Variants in LRP1B observed in about 807,000 individuals in gnomAD.
LRP1B encodes the protein low-density lipoprotein receptor-related protein 1B.
LRP1B carries 217 observed loss-of-function variants against 556.6 expected under a neutral mutation model. The ratio of observed to expected loss-of-function variants is 0.39; its 90% CI spans 0.35 to 0.44. The LOEUF is 0.44. LRP1B is among the 20% of genes least tolerant of loss of function. The pLI, the probability that LRP1B is intolerant of heterozygous loss-of-function variation, is 1.00. For synonymous variants in LRP1B, 2,047 were observed against 1,865.8 expected (o/e 1.10, Z -2.50); for missense variants, 5,053 against 5,620.8 (o/e 0.90, Z 3.23).
chr2:140,803,582 G>A (rs562240264), intron 32 of LRP1B, among the ~76,000 whole-genome samples: 77 of 152,140 alleles, frequency 5.1e-4, no homozygotes, highest in African/African-American at 1.9e-3. Flanking sequence ...ACAGGCATGA[G>A]CCACCACACC....
intron 2 of LRP1B, among the ~76,000 whole-genome samples, chr2:141,610,671 G>T (rs1394758032): frequency 1.3e-5 from 2 of 152,108 alleles, no homozygotes; most frequent in East Asian, 3.9e-4. Flanking sequence ...TACACCATTT[G>T]GCTGGGAATT....
At chr2:141,194,148 C>T (rs534826802) in intron 6 of LRP1B, among the ~76,000 whole-genome samples, 21 of 152,206 alleles carry the variant, frequency 1.4e-4, no homozygotes, top group African/African-American at 4.6e-4. Flanking sequence ...CAACCTCTTC[C>T]ATTCTACTTT....
intron 57 of LRP1B, among the ~76,000 whole-genome samples, chr2:140,491,553 T>C (rs914906891): frequency 3.9e-5 from 6 of 151,928 alleles, no homozygotes; most frequent in African/African-American, 1.4e-4. Flanking sequence ...TGATATAAGT[T>C]TAAAAGCATA....
intron 1 of LRP1B, among the ~76,000 whole-genome samples, chr2:141,996,210 C>CAAA (rs66563468): frequency 8.1e-4 from 29 of 36,006 alleles, no homozygotes; most frequent in African/African-American, 3.6e-3. Flanking sequence ...GAGCGAGACT[C>CAAA]AAAAAAAAAA....
Position 141,201,184 on chromosome 2 carries a change from C to T in LRP1B, c.851-12601G>A, listed in dbSNP as rs116159904. Among the ~76,000 whole-genome samples, 484 of 152,204 alleles carry T rather than the reference C, an allele frequency of 3.2e-3. 2 individuals carry two copies. The highest frequency in any genetic ancestry group is 0.011 in the African/African-American group (460 of 41,538). ...TATGAGGGATGATAACACCATAACA[C>T]GGTGCGAAATAATAGTGACAACTGG... On this transcript the variant is annotated intron_variant, in intron 6 of 90. Transcript: ENST00000389484.
chr2:141,922,794 C>T (rs896523029), intron 1 of LRP1B, among the ~76,000 whole-genome samples: 2 of 152,052 alleles, frequency 1.3e-5, no homozygotes, highest in African/African-American at 2.4e-5. Flanking sequence ...GTTCTCTCAG[C>T]TATAAATGGG....
At chr2:141,924,591 A>G (rs918047583) in intron 1 of LRP1B, among the ~76,000 whole-genome samples, 4 of 152,112 alleles carry the variant, frequency 2.6e-5, no homozygotes, top group Admixed American at 6.6e-5. Context: ...CCACCCCTAG[A>G]TACTACCATG....
At chr2:140,553,979 G>A (rs1680639889) in intron 43 of LRP1B, among the ~76,000 whole-genome samples, 1 of 151,990 alleles carries the variant, frequency 6.6e-6, no homozygotes, top group Non-Finnish European at 1.5e-5. Context: ...TTTTTCTATG[G>A]GGAAGCCCCT....
intron 79 of LRP1B, among the ~76,000 whole-genome samples, chr2:140,326,969 ACTTC>A (rs1680520948): frequency 6.6e-6 from 1 of 152,148 alleles, no homozygotes; most frequent in Non-Finnish European, 1.5e-5. Context: ...AAGAAAGTAA[ACTTC>A]CTTCAATATG....
chr2:140,267,176 T>C (rs1243556115), intron 86 of LRP1B, among the ~76,000 whole-genome samples: 1 of 152,108 alleles, frequency 6.6e-6, no homozygotes, highest in Non-Finnish European at 1.5e-5. Context: ...AGGTCAGTTT[T>C]AGCTGCTATT....
intron 41 of LRP1B, among the ~76,000 whole-genome samples, chr2:140,679,200 G>C (rs528154715): frequency 6.6e-6 from 1 of 152,168 alleles, no homozygotes; most frequent in Non-Finnish European, 1.5e-5. Context: ...TTAGATTAGA[G>C]TCCACCCATT....
chr2:141,520,255 GA>G (rs1374980113), intron 2 of LRP1B, among the ~76,000 whole-genome samples: 1 of 152,134 alleles, frequency 6.6e-6, no homozygotes, highest in Non-Finnish European at 1.5e-5. Context: ...CAAAGAAAGA[GA>G]AATACTGCAA....
intron 43 of LRP1B, among the ~76,000 whole-genome samples, chr2:140,588,511 G>T (rs967052586): frequency 6.6e-6 from 1 of 152,150 alleles, no homozygotes; most frequent in Admixed American, 6.5e-5. Flanking sequence ...AAATGGCAAA[G>T]AAAATAAAAT....
chr2:141,768,082 A>C (rs1558862659), intron 2 of LRP1B, among the ~76,000 whole-genome samples: 1 of 152,136 alleles, frequency 6.6e-6, no homozygotes, highest in Non-Finnish European at 1.5e-5. Context: ...TAATCCAATA[A>C]ATATCAAATT....
At chr2:142,081,948 G>GTGC (rs1705734198) in intron 1 of LRP1B, among the ~76,000 whole-genome samples, 1 of 152,206 alleles carries the variant, frequency 6.6e-6, no homozygotes, top group Admixed American at 6.5e-5. Context: ...ACTTGCCCAA[G>GTGC]ATGGTGCAGC....
chr2:140,829,608 C>T (rs1356624711), intron 31 of LRP1B, among the ~76,000 whole-genome samples: 1 of 151,898 alleles, frequency 6.6e-6, no homozygotes. Context: ...ACATAACATA[C>T]CAAAACTATG....
chr2:141,934,472 T>C (rs1407349781), intron 1 of LRP1B, among the ~76,000 whole-genome samples: 1 of 152,156 alleles, frequency 6.6e-6, no homozygotes, highest in African/African-American at 2.4e-5. Context: ...TAAACTGAAA[T>C]TGTAGAATTT....
intron 27 of LRP1B, among the ~76,000 whole-genome samples, chr2:140,856,607 GTGAA>G (rs1483615501): frequency 6.6e-6 from 1 of 152,074 alleles, no homozygotes; most frequent in African/African-American, 2.4e-5. Flanking sequence ...AAAACAATAC[GTGAA>G]TGAAGAGGTG....
At chr2:141,227,296 T>C (rs745414679) in intron 6 of LRP1B, among the ~76,000 whole-genome samples, 3 of 152,208 alleles carry the variant, frequency 2.0e-5, no homozygotes, top group Non-Finnish European at 4.4e-5. Flanking sequence ...TTAGTGAATA[T>C]TTTAGCTATT....
Sources: gnomAD v4.1 joint callset for allele counts (sites outside exome capture counted in the v4.1 genomes callset) on GRCh38, gnomAD v4.1.1 for gene constraint, MANE v1.5 for transcripts, NCBI Gene and HGNC (gene_info 2026-07-23, HGNC 2026-07-21) for gene names.